Variants in SUSD4 observed in about 807,000 individuals in gnomAD.
SUSD4 encodes the protein sushi domain-containing protein 4.
A neutral mutation model predicts 50.5 loss-of-function variants in SUSD4; 41 were observed. The ratio of observed to expected loss-of-function variants is 0.81; its 90% CI spans 0.63 to 1.05. SUSD4 has a LOEUF of 1.05. Among genes scored for constraint, SUSD4 ranks in the 50% least tolerant of loss-of-function variants. SUSD4 has a pLI of 0.00. For missense variants in SUSD4, 580 were observed against 634.7 expected, an observed-to-expected ratio of 0.91 and a Z score of 0.93; for synonymous variants, 257 against 257.3, an observed-to-expected ratio of 1.00 and a Z score of 0.01.
intron 7 of SUSD4, 67 bp from the exon 8 acceptor site, chr1:223,223,698 T>A: frequency 6.7e-7 from 1 of 1,500,332 alleles, no homozygotes; most frequent in Non-Finnish European, 8.9e-7. Flanking sequence ...CCACCCATAC[T>A]CCCTCCTGCA....
chr1:223,268,953 A>G (rs934227330), intron 3 of SUSD4, among the ~76,000 whole-genome samples: 2 of 152,224 alleles, frequency 1.3e-5, no homozygotes, highest in Non-Finnish European at 2.9e-5. Context: ...CAAACCGTAC[A>G]GCTGATCTTA....
At chr1:223,278,424 G>A (rs533250404) in intron 3 of SUSD4, among the ~76,000 whole-genome samples, 1 of 152,178 alleles carries the variant, frequency 6.6e-6, no homozygotes, top group Non-Finnish European at 1.5e-5. Context: ...TATATCCCAC[G>A]CATGACTGGG....
Position 223,223,388 on chromosome 1 carries a change from G to A in SUSD4, c.1305C>T (p.Gly435=), listed in dbSNP as rs754181024. Residue 435 remains glycine (G), a synonymous_variant, in exon 8 of 9, where the codon GGC becomes GGT. Transcript: ENST00000366878. Reference sequence around the variant, plus strand: ...ACAGACTTTGGAGCAGCTCAGAAGAGCCTGAGACGCTGTCACAGGTTTCTG... The same window carrying A: ...ACAGACTTTGGAGCAGCTCAGAAGAACCTGAGACGCTGTCACAGGTTTCTG... ...GESETCDSVS[G]SSELLQSLYS... 6.2e-7 allele frequency: 1 copy of A among 1,613,910 alleles called. No individual in the cohort carries two copies. The highest frequency in any genetic ancestry group is 1.3e-5 in the African/African-American group (1 of 75,070).
At chr1:223,363,512 G>T (rs1669127134) in intron 1 of SUSD4, 52 bp from the exon 2 acceptor site, 3 of 1,379,976 alleles carry the variant, frequency 2.2e-6, no homozygotes, top group East Asian at 2.8e-5. Flanking sequence ...GGGCTCGGGG[G>T]CCACGCTCCC....
intron 3 of SUSD4, among the ~76,000 whole-genome samples, chr1:223,278,938 C>T (rs2678367): frequency 0.5 from 75,483 of 152,080 alleles, 20,965 homozygotes; most frequent in African/African-American, 0.76. Context: ...GCCTCCACTG[C>T]TGATACCCAG....
chr1:223,233,697 A>G (rs1660037621), intron 5 of SUSD4, among the ~76,000 whole-genome samples: 1 of 152,122 alleles, frequency 6.6e-6, no homozygotes, highest in Admixed American at 6.5e-5. Flanking sequence ...GGGCTATGGC[A>G]CTTTTTTCTG....
At chr1:223,354,946 TTTTCTTTC>T (rs545859964) in intron 2 of SUSD4, among the ~76,000 whole-genome samples, 1 of 151,936 alleles carries the variant, frequency 6.6e-6, no homozygotes, top group East Asian at 1.9e-4. Context: ...TAAGAATGCA[TTTTCTTTC>T]TTTCTTTCTT....
chr1:223,243,438 C>A (rs1237263074), intron 5 of SUSD4, among the ~76,000 whole-genome samples: 1 of 152,224 alleles, frequency 6.6e-6, no homozygotes, highest in East Asian at 1.9e-4. Context: ...ACCCTTCCAT[C>A]TGTCCAGCTC....
intron 2 of SUSD4, among the ~76,000 whole-genome samples, chr1:223,299,401 G>T (rs556224444): frequency 6.6e-6 from 1 of 152,346 alleles, no homozygotes; most frequent in Admixed American, 6.5e-5. Context: ...GAAGAGAAAA[G>T]AGTTCACAGA....
intron 2 of SUSD4, among the ~76,000 whole-genome samples, chr1:223,326,775 C>A (rs1252340819): frequency 6.6e-6 from 1 of 152,084 alleles, no homozygotes; most frequent in Admixed American, 6.5e-5. Context: ...CAGGGAAATG[C>A]AAATTAAAAT....
At chr1:223,318,253 A>ATCAT (rs1446497725) in intron 2 of SUSD4, among the ~76,000 whole-genome samples, 1 of 13,456 alleles carries the variant, frequency 7.4e-5, no homozygotes, top group African/African-American at 3.2e-4. Context: ...AATCCAGTCT[A>ATCAT]TCATTGTTGG....
chr1:223,349,295 A>G (rs577590118), intron 2 of SUSD4, among the ~76,000 whole-genome samples: 20 of 152,368 alleles, frequency 1.3e-4, no homozygotes, highest in Non-Finnish European at 2.5e-4. Flanking sequence ...TACTATGGAT[A>G]TTAACTCATC....
chr1:223,315,755 T>C (rs1666148225), intron 2 of SUSD4, among the ~76,000 whole-genome samples: 1 of 152,210 alleles, frequency 6.6e-6, no homozygotes, highest in African/African-American at 2.4e-5. Context: ...CTCTTTAAGT[T>C]GGTCTCAGAG....
At chr1:223,268,741 C>T (rs150458910) in intron 3 of SUSD4, 66 bp from the exon 4 acceptor site, 33 of 1,507,504 alleles carry the variant, frequency 2.2e-5, no homozygotes, top group East Asian at 1.4e-4. Context: ...CACAGCTTCA[C>T]GAGAAAGCTC....
chr1:223,224,226 A>C (rs2102989271), intron 7 of SUSD4, among the ~76,000 whole-genome samples: 1 of 152,310 alleles, frequency 6.6e-6, no homozygotes, highest in Non-Finnish European at 1.5e-5. Context: ...AGCCCTAGCT[A>C]TTCAAGAGGC....
At chr1:223,223,110 A>T (rs932946764) in intron 8 of SUSD4, 139 bp downstream of exon 8, 47 of 1,255,128 alleles carry the variant, frequency 3.7e-5, no homozygotes, top group Non-Finnish European at 4.8e-5. Flanking sequence ...AGCATGAAGC[A>T]ATTTAAGCTG....
chr1:223,347,955 C>T (rs1668134394), intron 2 of SUSD4, among the ~76,000 whole-genome samples: 1 of 152,070 alleles, frequency 6.6e-6, no homozygotes, highest in African/African-American at 2.4e-5. Context: ...CAGCACCTCA[C>T]TCTACTTTCT....
chr1:223,298,975 G>A (rs1665015096), intron 2 of SUSD4, among the ~76,000 whole-genome samples: 1 of 152,168 alleles, frequency 6.6e-6, no homozygotes, highest in Non-Finnish European at 1.5e-5. Flanking sequence ...AGGGAATTAA[G>A]AATAAGTGGT....
At chr1:223,311,400 G>A (rs1377176996) in intron 2 of SUSD4, among the ~76,000 whole-genome samples, 1 of 152,208 alleles carries the variant, frequency 6.6e-6, no homozygotes, top group Non-Finnish European at 1.5e-5. Context: ...TATGATGTAA[G>A]TGCTCTCCAG....
Sources: allele counts gnomAD v4.1 joint callset (sites outside exome capture counted in the v4.1 genomes callset), GRCh38; gene constraint gnomAD v4.1.1; transcripts MANE v1.5; gene names NCBI Gene and HGNC (gene_info 2026-07-23, HGNC 2026-07-21).